Variants in ZNF682 observed in about 807,000 individuals in gnomAD.
ZNF682 encodes zinc finger protein 682.
Under a neutral mutation model 36.5 loss-of-function variants are expected in ZNF682, and 29 were observed. That is an observed-to-expected ratio of 0.80 (90% confidence interval 0.59 to 1.08). The LOEUF (loss-of-function observed/expected upper bound fraction) is 1.08. Ranked by LOEUF, ZNF682 falls within the 50% of genes least tolerant of loss-of-function variation. The pLI, the probability that ZNF682 is intolerant of heterozygous loss-of-function variation, is 0.00. For missense variants in ZNF682, 561 were observed against 579.7 expected, an observed-to-expected ratio of 0.97 and a Z score of 0.33; for synonymous variants, 180 against 197.0, an observed-to-expected ratio of 0.91 and a Z score of 0.72.
chr19:20,039,033 C>T, intron 1 of ZNF682: 1 of 849,960 alleles, frequency 1.2e-6, no homozygotes, highest in South Asian at 2.5e-5. Flanking sequence ...GGGGTCTGGA[C>T]TCTGCCCTGA....
downstream of ZNF682, among the ~76,000 whole-genome samples, chr19:20,003,887 A>C (rs1320102866): frequency 6.6e-6 from 1 of 152,244 alleles, no homozygotes; most frequent in African/African-American, 2.4e-5. Context: ...GTAGTAACTT[A>C]TCAACACTTT....
chr19:19,999,267 C>G (rs1599598157), intron 3 of ZNF682, among the ~76,000 whole-genome samples: 1 of 152,172 alleles, frequency 6.6e-6, no homozygotes, highest in Non-Finnish European at 1.5e-5. Context: ...AAAAATGATA[C>G]CCTATCATTC....
intron 1 of ZNF682, 65 bp from the exon 2 acceptor site, chr19:20,024,441 AAG>A (rs2088414616): frequency 5.9e-6 from 9 of 1,531,778 alleles, no homozygotes; most frequent in Non-Finnish European, 6.2e-6. Context: ...TCCATGTGAA[AAG>A]AGAGAATTGC....
intron 2 of ZNF682, among the ~76,000 whole-genome samples, chr19:20,023,521 T>C (rs1393586897): frequency 2.0e-5 from 3 of 151,152 alleles, no homozygotes; most frequent in Non-Finnish European, 4.4e-5. Flanking sequence ...AAAAGAAAAT[T>C]AGTAACAAAA....
At chr19:20,011,120 T>A (rs2088283985) in intron 3 of ZNF682, among the ~76,000 whole-genome samples, 1 of 151,572 alleles carries the variant, frequency 6.6e-6, no homozygotes, top group Admixed American at 6.6e-5. Flanking sequence ...GTAACATCTA[T>A]CACACAAATG....
At chr19:19,999,321 T>C (rs1191549848) in intron 3 of ZNF682, among the ~76,000 whole-genome samples, 1 of 152,208 alleles carries the variant, frequency 6.6e-6, no homozygotes, top group African/African-American at 2.4e-5. Context: ...CCCAAAGTGT[T>C]GAAACAAAAC....
At position 20,039,468 on chromosome 19, in the gene ZNF682, A is replaced by AGATG. The variant is rs1446421432; in HGVS notation, c.-127_-124dup. ...TAGAGCAGAGGATACTAAGCAATGA[A>AGATG]GATGGACCCTGAGCTCTGGCTGGAG... On this transcript the variant is annotated 5_prime_UTR_variant, in exon 1 of 4. Coordinates refer to ENST00000397165, the MANE Select transcript of ZNF682 (RefSeq NM_033196.3). 42 of 1,342,620 alleles carry AGATG rather than the reference A, an allele frequency of 3.1e-5. No homozygotes were observed. In the East Asian group the frequency reaches 8.3e-4, roughly 27 times the overall value. The allele number at this position is 1,342,620 out of a possible 1,614,324, so 83.2% of individuals were successfully genotyped here. A position where few individuals can be genotyped will look rare whatever the true frequency, so the allele number is the denominator to read the frequency against.
intron 3 of ZNF682, among the ~76,000 whole-genome samples, chr19:20,014,671 T>C (rs1169953208): frequency 6.7e-6 from 1 of 150,076 alleles, no homozygotes; most frequent in Admixed American, 6.6e-5. Context: ...TCCCAGCTAC[T>C]CAGGAGGCTG....
chr19:20,028,269 G>A (rs1307408666), intron 1 of ZNF682, among the ~76,000 whole-genome samples: 1 of 152,046 alleles, frequency 6.6e-6, no homozygotes, highest in Non-Finnish European at 1.5e-5. Flanking sequence ...GTGCACTGGC[G>A]TGATCTCGGC....
chr19:20,018,119 A>G (rs1199265588), intron 3 of ZNF682, among the ~76,000 whole-genome samples: 1 of 97,948 alleles, frequency 1.0e-5, no homozygotes, highest in Non-Finnish European at 1.8e-5. Flanking sequence ...TTTGAGACGG[A>G]GTCTCGCTCT....
chr19:20,012,494 G>A (rs1049851935), intron 3 of ZNF682, among the ~76,000 whole-genome samples: 2 of 152,164 alleles, frequency 1.3e-5, no homozygotes, highest in Non-Finnish European at 2.9e-5. Flanking sequence ...CAAGCCAGGT[G>A]TGGTGGCTCA....
chr19:20,009,041 C>T (rs1278004359), intron 3 of ZNF682, among the ~76,000 whole-genome samples: 1 of 152,084 alleles, frequency 6.6e-6, no homozygotes, highest in African/African-American at 2.4e-5. Context: ...ATTTTAACAC[C>T]CCATCCAAAT....
intron 1 of ZNF682, chr19:20,031,208 G>A (rs1218069691): frequency 2.0e-5 from 3 of 152,228 alleles, no homozygotes; most frequent in Non-Finnish European, 4.4e-5. Flanking sequence ...GTTAGCTTGG[G>A]TAAGAGGAAT....
chr19:20,018,007 A>G (rs2088349036), intron 3 of ZNF682, among the ~76,000 whole-genome samples: 1 of 151,098 alleles, frequency 6.6e-6, no homozygotes, highest in African/African-American at 2.4e-5. Context: ...ATTCAATGTA[A>G]TATCTATCAA....
At chr19:20,016,373 T>C (rs1476545319) in intron 3 of ZNF682, among the ~76,000 whole-genome samples, 1 of 152,194 alleles carries the variant, frequency 6.6e-6, no homozygotes, top group African/African-American at 2.4e-5. Flanking sequence ...CCTTGTATTA[T>C]CTGACAGGGA....
intron 3 of ZNF682, among the ~76,000 whole-genome samples, chr19:20,016,723 T>C (rs189874590): frequency 7.9e-4 from 120 of 152,054 alleles, no homozygotes; most frequent in African/African-American, 2.9e-3. Flanking sequence ...GGATAAAAAA[T>C]AAAGACTTTA....
chr19:20,004,142 A>G (rs1447633400), downstream of ZNF682, among the ~76,000 whole-genome samples: 1 of 152,222 alleles, frequency 6.6e-6, no homozygotes, highest in Non-Finnish European at 1.5e-5. Flanking sequence ...AAGATTCAGA[A>G]ATATATGGCT....
At chr19:20,000,977 G>A (rs1320390839), downstream of ZNF682, among the ~76,000 whole-genome samples, 1 of 152,162 alleles carries the variant, frequency 6.6e-6, no homozygotes, top group Non-Finnish European at 1.5e-5. Flanking sequence ...AACCTGAGAA[G>A]ACCAGGACAG....
At chr19:20,002,995 C>T (rs899853251), downstream of ZNF682, among the ~76,000 whole-genome samples, 6 of 151,432 alleles carry the variant, frequency 4.0e-5, no homozygotes, top group African/African-American at 9.7e-5. Flanking sequence ...TGGAGACCAT[C>T]CTGGCTAACA....
Sources: allele counts gnomAD v4.1 joint callset (sites outside exome capture counted in the v4.1 genomes callset), GRCh38; gene constraint gnomAD v4.1.1; transcripts MANE v1.5; gene names NCBI Gene and HGNC (gene_info 2026-07-23, HGNC 2026-07-21).